NFIB: variants seen among roughly 807,000 people sequenced by gnomAD.
The protein encoded by NFIB is nuclear factor 1 B-type.
A neutral mutation model predicts 61.5 loss-of-function variants in NFIB; 11 were observed. The ratio of observed to expected loss-of-function variants is 0.18; its 90% CI spans 0.11 to 0.30. The LOEUF is 0.30. Among genes scored for constraint, NFIB ranks in the 10% least tolerant of loss-of-function variants. NFIB has a pLI of 1.00. For missense variants in NFIB, 471 were observed against 608.9 expected (o/e 0.77, Z 2.38); for synonymous variants, 260 against 216.5 (o/e 1.20, Z -1.76).
At chr9:14,447,740 C>T in the NFIB span, among the ~76,000 whole-genome samples, 1 of 152,060 alleles carries the variant, frequency 6.6e-6, no homozygotes, top group Non-Finnish European at 1.5e-5. Flanking sequence ...GGACTCCCTA[C>T]CTTGGTGGGC....
At chr9:14,184,158 A>C (rs1587403961) in intron 2 of NFIB, among the ~76,000 whole-genome samples, 1 of 152,196 alleles carries the variant, frequency 6.6e-6, no homozygotes, top group Non-Finnish European at 1.5e-5. Flanking sequence ...CCTAGGACAC[A>C]TAAGTGATCA....
the NFIB span, among the ~76,000 whole-genome samples, chr9:14,522,484 T>C: frequency 6.6e-6 from 1 of 152,200 alleles, no homozygotes; most frequent in African/African-American, 2.4e-5. Context: ...AAAAGCATTG[T>C]TGTCTCTTTT....
the NFIB span, among the ~76,000 whole-genome samples, chr9:14,505,149 A>C: frequency 6.6e-6 from 1 of 152,174 alleles, no homozygotes; most frequent in South Asian, 2.1e-4. Flanking sequence ...ACTCGTGGAT[A>C]TAAAACCATC....
the NFIB span, among the ~76,000 whole-genome samples, chr9:14,452,002 A>G: frequency 6.6e-6 from 1 of 152,168 alleles, no homozygotes; most frequent in Non-Finnish European, 1.5e-5. Context: ...GGCATTATCA[A>G]TACAAGTTAA....
the NFIB span, among the ~76,000 whole-genome samples, chr9:14,506,064 A>G: frequency 6.6e-6 from 1 of 152,238 alleles, no homozygotes; most frequent in Non-Finnish European, 1.5e-5. Context: ...GAAACATGCT[A>G]GACAAAATAA....
At chr9:14,214,318 T>A (rs569213651) in intron 2 of NFIB, among the ~76,000 whole-genome samples, 1 of 152,352 alleles carries the variant, frequency 6.6e-6, no homozygotes, top group Admixed American at 6.5e-5. Flanking sequence ...TGCAGTCACA[T>A]AGAGCCCCAC....
chr9:14,520,950 G>A, the NFIB span, among the ~76,000 whole-genome samples: 25 of 152,274 alleles, frequency 1.6e-4, no homozygotes, highest in African/African-American at 4.6e-4. Context: ...TAAATGGCTC[G>A]CTTATGCCTA....
the NFIB span, among the ~76,000 whole-genome samples, chr9:14,454,925 G>A: frequency 1.3e-5 from 2 of 152,140 alleles, no homozygotes; most frequent in African/African-American, 2.4e-5. Context: ...GCTGCTTCTC[G>A]AACCTGGAAT....
rs757395062 is a variant in NFIB at position 14,307,742 on chromosome 9, C to A, written c.31-222G>T. The stretch of plus-strand genomic sequence containing the variant: ...TTCCACCAAAATTCACAGGTCAATT[C>A]TCCCTCCTATAAAGGAAATAAGGTT... On this transcript the variant is annotated intron_variant, in intron 1 of 10. Transcript: ENST00000380953. This position sits in a 1 kb window ranked among gnomAD's most constrained non-coding sequence, Gnocchi z 5.3. Among the ~76,000 whole-genome samples the A allele has an allele frequency of 5.3e-5, 8 of 152,146 alleles. No homozygotes were observed. The highest frequency in any genetic ancestry group is 8.8e-5 in the Non-Finnish European group (6 of 68,030).
At chr9:14,249,907 G>A (rs369978583) in intron 2 of NFIB, among the ~76,000 whole-genome samples, 32 of 152,194 alleles carry the variant, frequency 2.1e-4, no homozygotes, top group African/African-American at 7.7e-4. Flanking sequence ...AACAAGGCAG[G>A]AATATCATCA....
chr9:14,307,113 G>C lies in NFIB; in HGVS notation c.438C>G (p.Thr146=). ...ILFKGIPLES[T]DGERLMKSPH... is the part of the protein sequence containing the mutation. The stretch of plus-strand genomic sequence containing the variant: ...GGGATTTCATGAGCCGCTCTCCATC[G>C]GTACTTTCCAAGGGGATGCCTTTGA... The change falls in exon 2 of 11, where the codon ACC becomes ACG. Residue 146 remains threonine, a synonymous_variant. Transcript: ENST00000380953. This position sits in a 1 kb window ranked among gnomAD's most constrained non-coding sequence, Gnocchi z 5.3. 1 of 1,614,060 alleles carries C rather than the reference G, an allele frequency of 6.2e-7. No individual in the cohort carries two copies. The highest frequency in any genetic ancestry group is 1.1e-5 in the South Asian group (1 of 91,074).
chr9:14,228,536 C>CATTT (rs1241752416), intron 2 of NFIB, among the ~76,000 whole-genome samples: 1 of 152,132 alleles, frequency 6.6e-6, no homozygotes, highest in Non-Finnish European at 1.5e-5. Flanking sequence ...CACTCGAACC[C>CATTT]ATTTACAAAA....
At chr9:14,212,634 T>TG (rs757968962) in intron 2 of NFIB, among the ~76,000 whole-genome samples, 11 of 119,740 alleles carry the variant, frequency 9.2e-5, no homozygotes, top group South Asian at 2.8e-4. Context: ...ATAATTCCTC[T>TG]GGGAAAAAAA....
At chr9:14,517,716 T>C in the NFIB span, among the ~76,000 whole-genome samples, 1 of 152,148 alleles carries the variant, frequency 6.6e-6, no homozygotes, top group Non-Finnish European at 1.5e-5. Flanking sequence ...GTCAGCAAAA[T>C]AGCAGGGCTC....
chr9:14,314,929 G>C (rs902720456), upstream of NFIB, among the ~76,000 whole-genome samples: 3 of 151,822 alleles, frequency 2.0e-5, no homozygotes, highest in Non-Finnish European at 4.4e-5. Flanking sequence ...GGGAACATCC[G>C]AGTGGGAGAA....
At chr9:14,095,722 T>C (rs928133821) in intron 10 of NFIB, among the ~76,000 whole-genome samples, 1 of 152,164 alleles carries the variant, frequency 6.6e-6, no homozygotes, top group Admixed American at 6.5e-5. Context: ...TCAGCATTAT[T>C]TGCACAATTT....
intron 2 of NFIB, among the ~76,000 whole-genome samples, chr9:14,195,761 A>C (rs2048397085): frequency 6.6e-6 from 1 of 152,174 alleles, no homozygotes; most frequent in South Asian, 2.1e-4. Flanking sequence ...ACAGAGCAGG[A>C]ATCTTTTATG....
chr9:14,481,197 G>GTATATA, the NFIB span, among the ~76,000 whole-genome samples: 223 of 45,820 alleles, frequency 4.9e-3, 17 homozygotes, highest in East Asian at 0.021. Flanking sequence ...GTGTGTGTGT[G>GTATATA]TATATATATA....
the NFIB span, among the ~76,000 whole-genome samples, chr9:14,463,582 C>A: frequency 6.6e-6 from 1 of 150,722 alleles, no homozygotes; most frequent in South Asian, 2.1e-4. Context: ...ATTTTCCCCA[C>A]ATTTTATTAA....
Sources: gnomAD v4.1 joint callset for allele counts (sites outside exome capture counted in the v4.1 genomes callset) on GRCh38, gnomAD v4.1.1 for gene constraint, Gnocchi (gnomAD v3.1) non-coding constraint, MANE v1.5 for transcripts, NCBI Gene and HGNC (gene_info 2026-07-23, HGNC 2026-07-21) for gene names.